Variants in CFAP99 observed in about 807,000 individuals in gnomAD.
The protein encoded by CFAP99 is cilia and flagella associated protein 99.
In CFAP99, 84 loss-of-function variants were observed where a neutral mutation model predicts 82.7. That is an observed-to-expected ratio of 1.02 (90% CI 0.85 to 1.22). The LOEUF (loss-of-function observed/expected upper bound fraction) is 1.22, where lower values mean the gene tolerates loss of function less well. Among genes scored for constraint, CFAP99 ranks in the 50% most tolerant of loss-of-function variants. The probability of loss-of-function intolerance (pLI) is 0.00; values close to 1 mark genes in which losing one functional copy is unlikely to be tolerated. For missense variants in CFAP99, 1,059 were observed against 983.5 expected (o/e 1.08, Z -1.03); for synonymous variants, 456 against 429.5 (o/e 1.06, Z -0.76).
chr4:2,447,645 GTGGATGGA>G (rs146216594), intron 6 of CFAP99, among the ~76,000 whole-genome samples: 10 of 147,408 alleles, frequency 6.8e-5, no homozygotes, highest in South Asian at 4.4e-4. Flanking sequence ...GGATGGGTGG[GTGGATGGA>G]TGGATGGATG....
intron 11 of CFAP99, among the ~76,000 whole-genome samples, chr4:2,455,714 C>T (rs1734411778): frequency 6.6e-6 from 1 of 152,126 alleles, no homozygotes; most frequent in African/African-American, 2.4e-5. Context: ...TGCCGCTCTC[C>T]TCACACCAGG....
chr4:2,461,970 T>G (rs915986724), intron 14 of CFAP99, among the ~76,000 whole-genome samples: 1 of 148,708 alleles, frequency 6.7e-6, no homozygotes, highest in African/African-American at 2.6e-5. Context: ...ACACCTGTAA[T>G]ACTTTTTTAA....
chr4:2,459,982 A>T, intron 13 of CFAP99, 55 bp from the exon 14 acceptor site: 1 of 1,489,336 alleles, frequency 6.7e-7, no homozygotes, highest in Non-Finnish European at 9.0e-7. Context: ...TCCTGGTGGG[A>T]AGCATCGGGG....
exon 3 of CFAP99, chr4:2,436,885 C>T: frequency 6.5e-7 from 1 of 1,536,012 alleles, no homozygotes; most frequent in Non-Finnish European, 8.7e-7. Context: ...CTCTGAGCCC[C>T]CAGAAGCAGA....
intron 10 of CFAP99, among the ~76,000 whole-genome samples, chr4:2,451,733 AGGCTGTGGGG>A (rs5855733): frequency 0.76 from 115,307 of 151,726 alleles, 43,903 homozygotes; most frequent in Admixed American, 0.79. Flanking sequence ...TCTGCAAGTC[AGGCTGTGGGG>A]GGAGCATGGG....
At chr4:2,454,581 C>CTTTTTTTTTTTTTTTTTTTTTT (rs200727697) in intron 11 of CFAP99, among the ~76,000 whole-genome samples, 28 of 94,720 alleles carry the variant, frequency 3.0e-4, no homozygotes, top group East Asian at 5.5e-4. Context: ...TGTTTTTTTT[C>CTTTTTTTTTTTTTTTTTTTTTT]TTTTTTTTTT....
intron 1 of CFAP99, among the ~76,000 whole-genome samples, chr4:2,424,079 G>T (rs1448904203): frequency 2.6e-5 from 4 of 152,362 alleles, no homozygotes; most frequent in Admixed American, 2.0e-4. Flanking sequence ...AGAGGCTCCT[G>T]CTGGCCTCTG....
At chr4:2,455,142 C>T (rs555164092) in intron 11 of CFAP99, among the ~76,000 whole-genome samples, 7 of 152,268 alleles carry the variant, frequency 4.6e-5, no homozygotes, top group Non-Finnish European at 1.0e-4. Context: ...TCAAGTGATT[C>T]ACCTGCCTCA....
Position 2,443,258 on chromosome 4 carries a change from G to A in CFAP99, c.464+16G>A. Reference sequence around the variant, plus strand: ...CCCTGATGAGGTAGGCTGGATGGGGGGCTCTGGGGGCCCTGAATGGCATCT... The same window carrying A: ...CCCTGATGAGGTAGGCTGGATGGGGAGCTCTGGGGGCCCTGAATGGCATCT... On this transcript the variant is annotated intron_variant, in intron 5 of 14. Coordinates refer to ENST00000635017, the Ensembl canonical transcript of CFAP99. The A allele has an allele frequency of 1.3e-6, 2 of 1,492,156 alleles. No individual in the cohort carries two copies. The highest frequency in any genetic ancestry group is 9.0e-7 in the Non-Finnish European group (1 of 1,107,172). The allele number at this position is 1,492,156 out of a possible 1,614,324, so 92.4% of individuals were successfully genotyped here. A position where few individuals can be genotyped will look rare whatever the true frequency, so the allele number is the denominator to read the frequency against.
chr4:2,428,961 A>C (rs974698304), intron 2 of CFAP99: 2 of 152,312 alleles, frequency 1.3e-5, no homozygotes, highest in Admixed American at 1.3e-4. Flanking sequence ...TCCCCAGTTC[A>C]GCCGGCAGCC....
chr4:2,442,747 C>A (rs1481177184), intron 4 of CFAP99, among the ~76,000 whole-genome samples: 1 of 152,202 alleles, frequency 6.6e-6, no homozygotes, highest in African/African-American at 2.4e-5. Flanking sequence ...CACGGCAGCC[C>A]ACCCAGGGAC....
intron 11 of CFAP99, among the ~76,000 whole-genome samples, chr4:2,455,449 G>A (rs959971502): frequency 4.6e-5 from 7 of 152,138 alleles, no homozygotes; most frequent in Admixed American, 2.0e-4. Context: ...AAAGCAGGGC[G>A]ATCACCTGAG....
At chr4:2,451,317 C>G in exon 10 of CFAP99, 1 of 1,536,006 alleles carries the variant, frequency 6.5e-7, no homozygotes, top group Non-Finnish European at 8.7e-7. Context: ...GAGAAGGGGC[C>G]TTGTACCAGC....
At chr4:2,434,919 G>T (rs1319590078) in intron 2 of CFAP99, among the ~76,000 whole-genome samples, 1 of 152,224 alleles carries the variant, frequency 6.6e-6, no homozygotes, top group African/African-American at 2.4e-5. Flanking sequence ...TCATTCACAT[G>T]TGTGGAAACT....
chr4:2,423,906 C>T (rs1733632826), intron 1 of CFAP99, among the ~76,000 whole-genome samples: 1 of 152,206 alleles, frequency 6.6e-6, no homozygotes, highest in Non-Finnish European at 1.5e-5. Flanking sequence ...GGGGACCCAG[C>T]CGGGGCCCAG....
At chr4:2,420,910 A>G (rs1733571832) in intron 1 of CFAP99, among the ~76,000 whole-genome samples, 1 of 152,232 alleles carries the variant, frequency 6.6e-6, no homozygotes, top group South Asian at 2.1e-4. Context: ...ACTTTCCAGA[A>G]GTCTCACACC....
At chr4:2,461,471 C>T (rs904693890) in intron 14 of CFAP99, among the ~76,000 whole-genome samples, 3 of 152,200 alleles carry the variant, frequency 2.0e-5, no homozygotes, top group African/African-American at 2.4e-5. Context: ...AGAGGAGGCA[C>T]AGGGCAACCG....
chr4:2,421,596 G>A (rs1169018814), intron 1 of CFAP99, among the ~76,000 whole-genome samples: 4 of 151,984 alleles, frequency 2.6e-5, no homozygotes, highest in East Asian at 1.9e-4. Context: ...TGATCTGCCC[G>A]CCTTGGCTTC....
At chr4:2,441,062 G>GATA (rs150251876) in intron 4 of CFAP99, among the ~76,000 whole-genome samples, 17 of 146,838 alleles carry the variant, frequency 1.2e-4, no homozygotes, top group South Asian at 6.5e-4. Context: ...CTTCCTAAAT[G>GATA]ATAATAATAA....
Sources: allele counts gnomAD v4.1 joint callset (sites outside exome capture counted in the v4.1 genomes callset), GRCh38; gene constraint gnomAD v4.1.1; transcripts MANE v1.5; gene names NCBI Gene and HGNC (gene_info 2026-07-23, HGNC 2026-07-21).